HNMT: variants seen among roughly 807,000 people sequenced by gnomAD.
The protein encoded by HNMT is histamine N-methyltransferase.
In HNMT, 30 loss-of-function variants were observed where a neutral mutation model predicts 32.1. That is an observed-to-expected ratio of 0.93 (90% CI 0.70 to 1.27). HNMT has a LOEUF of 1.27. Ranked by LOEUF, HNMT falls within the 50% of genes most tolerant of loss-of-function variation. The pLI is 0.00. For synonymous variants in HNMT, 125 were observed against 119.0 expected (o/e 1.05, Z -0.33); for missense variants, 327 against 346.0 (o/e 0.95, Z 0.43).
At chr2:138,006,556 AG>A (rs1294348261) in intron 5 of HNMT, among the ~76,000 whole-genome samples, 1 of 152,010 alleles carries the variant, frequency 6.6e-6, no homozygotes, top group Non-Finnish European at 1.5e-5. Flanking sequence ...GAAGTTTAGA[AG>A]GGAGCATGAA....
At chr2:137,975,520 G>T (rs896580289) in intron 2 of HNMT, among the ~76,000 whole-genome samples, 1 of 152,152 alleles carries the variant, frequency 6.6e-6, no homozygotes, top group African/African-American at 2.4e-5. Flanking sequence ...GGAGTCCCAG[G>T]ATTTTATTTT....
chr2:137,982,103 C>G (rs1680520268), intron 2 of HNMT, among the ~76,000 whole-genome samples: 1 of 152,192 alleles, frequency 6.6e-6, no homozygotes, highest in Admixed American at 6.5e-5. Flanking sequence ...CCAGCCTAGG[C>G]CTCCCGAAGT....
At chr2:138,013,133 C>G (rs1039104943) in intron 5 of HNMT, among the ~76,000 whole-genome samples, 1 of 152,172 alleles carries the variant, frequency 6.6e-6, no homozygotes, top group African/African-American at 2.4e-5. Flanking sequence ...ACTTGAAACT[C>G]AAGTCCTAAG....
intron 2 of HNMT, among the ~76,000 whole-genome samples, chr2:137,994,145 G>A (rs1053582033): frequency 6.6e-5 from 10 of 152,090 alleles, no homozygotes; most frequent in African/African-American, 2.4e-4. Flanking sequence ...GCAGCATGAT[G>A]GTAGGGTCAA....
intron 2 of HNMT, among the ~76,000 whole-genome samples, chr2:137,989,127 G>A (rs562593010): frequency 6.6e-6 from 1 of 152,190 alleles, no homozygotes; most frequent in Admixed American, 6.5e-5. Flanking sequence ...TCCTTTTGGT[G>A]TTGTATTCCA....
chr2:137,981,953 A>G (rs1263254790), intron 2 of HNMT, among the ~76,000 whole-genome samples: 1 of 152,160 alleles, frequency 6.6e-6, no homozygotes, highest in East Asian at 1.9e-4. Flanking sequence ...TCTCAGGCTC[A>G]TGTGATTCTT....
At chr2:137,999,690 C>G (rs530247380) in intron 2 of HNMT, among the ~76,000 whole-genome samples, 1 of 152,170 alleles carries the variant, frequency 6.6e-6, no homozygotes, top group South Asian at 2.1e-4. Flanking sequence ...TAGTGAAGGT[C>G]AACATCATAA....
intron 5 of HNMT, 68 bp from the exon 6 acceptor site, chr2:138,013,707 G>A (rs987219074): frequency 2.8e-5 from 33 of 1,174,830 alleles, no homozygotes; most frequent in Non-Finnish European, 3.8e-5. Flanking sequence ...AGCATCTAGT[G>A]TACTTTCTGG....
chr2:137,973,982 C>G lies in HNMT; in HGVS notation c.190+3765C>G, dbSNP rs539258000. Among the ~76,000 whole-genome samples, 98 of 152,054 alleles carry G rather than the reference C, an allele frequency of 6.4e-4. 4 individuals carry two copies. In the South Asian group the frequency reaches 0.02, roughly 32 times the overall value. ...GCAATTATTAGGGCTCTGAGAAGTT[C>G]AAAAGAAAGGTAGATGACTCTGAGT... On this transcript the variant is annotated intron_variant, in intron 2 of 5. Coordinates refer to ENST00000280097, the MANE Select transcript of HNMT (RefSeq NM_006895.3).
intron 3 of HNMT, 96 bp downstream of exon 3, chr2:138,001,121 A>T: frequency 1.7e-6 from 1 of 581,362 alleles, no homozygotes; most frequent in Non-Finnish European, 3.0e-6. Context: ...TTACTGTGGT[A>T]TGCTTTTCAC....
At chr2:137,980,494 G>A (rs1332225383) in intron 2 of HNMT, among the ~76,000 whole-genome samples, 7 of 152,190 alleles carry the variant, frequency 4.6e-5, no homozygotes. Flanking sequence ...CAAGAGAATG[G>A]TGGCTATCCT....
chr2:137,967,723 A>G (rs1284648747), intron 1 of HNMT: 2 of 152,142 alleles, frequency 1.3e-5, no homozygotes, highest in Non-Finnish European at 2.9e-5. Context: ...TAATTTTCTT[A>G]TATTTCCAGT....
chr2:137,973,507 T>C (rs1429914710), intron 2 of HNMT, among the ~76,000 whole-genome samples: 1 of 152,176 alleles, frequency 6.6e-6, no homozygotes, highest in Non-Finnish European at 1.5e-5. Flanking sequence ...AATGAGGTCA[T>C]TGATCCTGTT....
intron 2 of HNMT, among the ~76,000 whole-genome samples, chr2:137,970,930 AAAAAAAG>A (rs1558950956): frequency 4.5e-5 from 3 of 66,432 alleles, no homozygotes; most frequent in Non-Finnish European, 6.7e-5. Flanking sequence ...AAAAAAAAAA[AAAAAAAG>A]AAAGAAAGAA....
At chr2:138,013,302 A>G (rs1681565176) in intron 5 of HNMT, among the ~76,000 whole-genome samples, 1 of 151,652 alleles carries the variant, frequency 6.6e-6, no homozygotes, top group Middle Eastern at 3.4e-3. Context: ...TCCACTCCCC[A>G]CCCCTAATCT....
chr2:137,994,878 A>G lies in HNMT; in HGVS notation c.191-6040A>G, dbSNP rs1301131152. 2.6e-5 allele frequency among the ~76,000 whole-genome samples: 4 copies of G among 152,216 alleles called. 1 individual carries two copies. Among genetic ancestry groups the G allele is most frequent in the Non-Finnish European group, 5.9e-5 (4 of 68,040 alleles). The stretch of plus-strand genomic sequence containing the variant: ...TTAAGAAACTCACTCAAAACCACAT[A>G]ATTACATGGAAATTGAACAACCTGC... On this transcript the variant is annotated intron_variant, in intron 2 of 5. Transcript: ENST00000280097.
At chr2:138,003,497 A>C (rs1240055654) in intron 4 of HNMT, among the ~76,000 whole-genome samples, 2 of 152,134 alleles carry the variant, frequency 1.3e-5, no homozygotes, top group Non-Finnish European at 1.5e-5. Flanking sequence ...TGTCATATAC[A>C]GGCAATTCTA....
At chr2:137,996,165 T>C (rs1680987192) in intron 2 of HNMT, among the ~76,000 whole-genome samples, 1 of 152,186 alleles carries the variant, frequency 6.6e-6, no homozygotes, top group African/African-American at 2.4e-5. Flanking sequence ...TGGAAGTTCT[T>C]GCCAGGGCAA....
At chr2:137,991,701 T>C (rs929829131) in intron 2 of HNMT, 1 of 152,172 alleles carries the variant, frequency 6.6e-6, no homozygotes, top group Non-Finnish European at 1.5e-5. Context: ...CATATATGTA[T>C]GTAAATAGAT....
Sources: gnomAD v4.1 joint callset for allele counts (sites outside exome capture counted in the v4.1 genomes callset) on GRCh38, gnomAD v4.1.1 for gene constraint, MANE v1.5 for transcripts, NCBI Gene and HGNC (gene_info 2026-07-23, HGNC 2026-07-21) for gene names.